Variants in SYNE2 observed in about 807,000 individuals in gnomAD.
SYNE2 encodes nesprin-2.
A neutral mutation model predicts 856.3 loss-of-function variants in SYNE2; 431 were observed. The observed-to-expected ratio is 0.50, with a 90% CI of 0.47 to 0.55. The LOEUF is 0.55. Ranked by LOEUF, SYNE2 falls within the 20% of genes least tolerant of loss-of-function variation. SYNE2 has a pLI of 0.00. For missense variants in SYNE2, 8,129 were observed against 8,023.2 expected (o/e 1.01, Z -0.50); for synonymous variants, 2,923 against 2,872.3 (o/e 1.02, Z -0.56).
At chr14:63,932,208 C>G (rs1215068232) in intron 2 of SYNE2, among the ~76,000 whole-genome samples, 1 of 151,940 alleles carries the variant, frequency 6.6e-6, no homozygotes, top group African/African-American at 2.4e-5. Flanking sequence ...TAGTGAAACC[C>G]CCGTCTCTAC....
chr14:63,948,181 A>T (rs1206797826), intron 6 of SYNE2, among the ~76,000 whole-genome samples: 1 of 151,990 alleles, frequency 6.6e-6, no homozygotes, highest in South Asian at 2.1e-4. Context: ...ACACACACAC[A>T]CACACACACA....
At chr14:63,985,468 A>C (rs1174036181) in intron 18 of SYNE2, among the ~76,000 whole-genome samples, 1 of 152,166 alleles carries the variant, frequency 6.6e-6, no homozygotes, top group Non-Finnish European at 1.5e-5. Flanking sequence ...TTAATGGGAA[A>C]AAGATTTAAT....
chr14:63,945,938 A>G (rs1049758270), intron 6 of SYNE2, among the ~76,000 whole-genome samples: 2 of 152,182 alleles, frequency 1.3e-5, no homozygotes, highest in African/African-American at 4.8e-5. Context: ...GCATGTACCT[A>G]GGAATGGAAC....
At chr14:63,997,555 A>G (rs557588298) in intron 25 of SYNE2, among the ~76,000 whole-genome samples, 164 bp downstream of exon 25, 1 of 152,288 alleles carries the variant, frequency 6.6e-6, no homozygotes, top group South Asian at 2.1e-4. Flanking sequence ...TTCAAAGGAG[A>G]ATGCAACTAA....
At chr14:64,150,291 CAAAAAAAAAA>C (rs773488742) in intron 84 of SYNE2, among the ~76,000 whole-genome samples, 43 of 35,630 alleles carry the variant, frequency 1.2e-3, no homozygotes, top group Admixed American at 5.1e-3. Flanking sequence ...GATTCTCTCT[CAAAAAAAAAA>C]AAAAAAAAAA....
intron 103 of SYNE2, among the ~76,000 whole-genome samples, chr14:64,211,086 A>G (rs943589321): frequency 6.6e-6 from 1 of 151,994 alleles, no homozygotes; most frequent in Non-Finnish European, 1.5e-5. Context: ...GGCTCAAGGG[A>G]TCCTCCTGCC....
intron 89 of SYNE2, among the ~76,000 whole-genome samples, chr14:64,164,870 T>TG (rs2098362988): frequency 6.6e-6 from 1 of 151,102 alleles, no homozygotes; most frequent in African/African-American, 2.4e-5. Context: ...TATTTTTTGT[T>TG]TTTTTTTGTT....
chr14:64,022,151 A>G, intron 37 of SYNE2, 123 bp downstream of exon 37: 1 of 909,742 alleles, frequency 1.1e-6, no homozygotes, highest in Non-Finnish European at 1.7e-6. Context: ...ATTCAAGGAA[A>G]TAATAATCAG....
At chr14:64,165,593 A>G (rs886754767) in intron 90 of SYNE2, among the ~76,000 whole-genome samples, 183 bp downstream of exon 90, 3 of 150,692 alleles carry the variant, frequency 2.0e-5, no homozygotes, top group African/African-American at 4.9e-5. Flanking sequence ...GCTCACTGCA[A>G]CCTCCACCTC....
chr14:63,973,947 A>G lies in SYNE2; in HGVS notation c.1129-2616A>G, dbSNP rs1292104016. On this transcript the variant is annotated intron_variant, in intron 11 of 115. Transcript: ENST00000555002. ...CAAATTTTTGCCTGTTTAAAAAACA[A>G]TAGAACTCAACTGGGCTCATGCCTG... Among the ~76,000 whole-genome samples, 8 of 152,098 alleles carry G rather than the reference A, an allele frequency of 5.3e-5. No individual in the cohort carries two copies. The East Asian group carries it at 9.7e-4, about 18-fold the overall frequency.
chr14:64,064,728 A>G (rs1459041066), intron 50 of SYNE2, among the ~76,000 whole-genome samples: 1 of 149,492 alleles, frequency 6.7e-6, no homozygotes, highest in East Asian at 2.0e-4. Context: ...TAATTTTTTA[A>G]TTTTTTGTAG....
chr14:63,778,939 T>C (rs114057930), intron 1 of SYNE2, among the ~76,000 whole-genome samples: 95,673 of 151,904 alleles, frequency 0.63, 30,661 homozygotes, highest in South Asian at 0.77. Flanking sequence ...AGCTCATGGC[T>C]ATGAGCCACT....
chr14:64,139,543 C>G (rs972834819), intron 79 of SYNE2, among the ~76,000 whole-genome samples: 2 of 152,080 alleles, frequency 1.3e-5, no homozygotes, highest in Non-Finnish European at 2.9e-5. Context: ...TCCTGAGTAG[C>G]TGGGACTACA....
intron 1 of SYNE2, among the ~76,000 whole-genome samples, chr14:63,833,207 C>G (rs1187787569): frequency 6.9e-6 from 1 of 145,904 alleles, no homozygotes; most frequent in Non-Finnish European, 1.5e-5. Context: ...AGGCCCTGTC[C>G]AAAAAAAAAG....
chr14:64,000,750 C>G, intron 28 of SYNE2, 31 bp downstream of exon 28: 2 of 1,586,216 alleles, frequency 1.3e-6, no homozygotes, highest in Non-Finnish European at 1.7e-6. Context: ...AACTATGAAT[C>G]TAATAAACTC....
chr14:63,887,279 C>CA (rs112123296), intron 1 of SYNE2, among the ~76,000 whole-genome samples: 5,217 of 141,402 alleles, frequency 0.037, 303 homozygotes, highest in African/African-American at 0.12. Context: ...GACTCCATCT[C>CA]AAAAAAAAAA....
intron 30 of SYNE2, among the ~76,000 whole-genome samples, chr14:64,004,334 TG>T (rs1458300270): frequency 6.6e-6 from 1 of 151,778 alleles, no homozygotes; most frequent in Non-Finnish European, 1.5e-5. Context: ...GTTGTTTTTT[TG>T]TTTGTTTGTT....
intron 1 of SYNE2, among the ~76,000 whole-genome samples, chr14:63,860,425 A>G (rs553093493): frequency 2.6e-5 from 4 of 152,332 alleles, no homozygotes; most frequent in East Asian, 1.9e-4. Flanking sequence ...GAGTTGAAAG[A>G]TAAGTGTGAA....
Position 64,122,137 on chromosome 14 carries a change from A to T in SYNE2, c.13280+4A>T. ...CAACTCAGGAATCATCTGCAAGGTA[A>T]AACATTTAAAAATAGAGTTGGTCAT... On this transcript the variant is annotated splice_donor_region_variant and intron_variant, in intron 69 of 115. Coordinates refer to ENST00000555002, the MANE Select transcript of SYNE2 (RefSeq NM_182914.3). 6.2e-7 allele frequency: 1 copy of T among 1,614,186 alleles called. No homozygotes were observed. The highest frequency in any genetic ancestry group is 8.5e-7 in the Non-Finnish European group (1 of 1,180,042).
Sources: gnomAD v4.1 joint callset for allele counts (sites outside exome capture counted in the v4.1 genomes callset) on GRCh38, gnomAD v4.1.1 for gene constraint, MANE v1.5 for transcripts, NCBI Gene and HGNC (gene_info 2026-07-23, HGNC 2026-07-21) for gene names.